Variants in CELF2 observed in about 807,000 individuals in gnomAD.
CELF2 encodes CUGBP Elav-like family member 2.
Under a neutral mutation model 62.6 loss-of-function variants are expected in CELF2, and 8 were observed. That is an observed-to-expected ratio of 0.13 (90% confidence interval 0.07 to 0.23). CELF2 has a LOEUF of 0.23. Ranked by LOEUF, CELF2 falls within the 10% of genes least tolerant of loss-of-function variation. The pLI is 1.00. For missense variants in CELF2, 333 were observed against 671.0 expected (o/e 0.50, Z 5.56); for synonymous variants, 258 against 250.0 (o/e 1.03, Z -0.30).
chr10:10,847,802 T>G (rs898033312), intron 1 of CELF2, among the ~76,000 whole-genome samples: 1 of 152,226 alleles, frequency 6.6e-6, no homozygotes, highest in Non-Finnish European at 1.5e-5. Flanking sequence ...TGGTTTTAGT[T>G]TTAAGCTCCC....
chr10:10,802,238 G>A (rs547750465), intron 1 of CELF2, among the ~76,000 whole-genome samples: 14 of 152,292 alleles, frequency 9.2e-5, no homozygotes, highest in East Asian at 3.9e-4. Context: ...TTGGGACACC[G>A]AGGCAGGCGG....
chr10:10,769,921 G>C, the CELF2 span, among the ~76,000 whole-genome samples: 3 of 152,296 alleles, frequency 2.0e-5, no homozygotes, highest in Admixed American at 2.0e-4. Flanking sequence ...AGGGAGACTA[G>C]ACTTAATTGC....
intron 1 of CELF2, among the ~76,000 whole-genome samples, chr10:10,867,700 A>G (rs145001051): frequency 8.5e-4 from 129 of 152,208 alleles, no homozygotes; most frequent in African/African-American, 2.9e-3. Flanking sequence ...TTCCTCATCT[A>G]TTCTTTAAAC....
intron 1 of CELF2, among the ~76,000 whole-genome samples, chr10:11,056,591 G>A (rs1435589398): frequency 2.6e-5 from 4 of 152,216 alleles, no homozygotes; most frequent in Non-Finnish European, 5.9e-5. Flanking sequence ...TATTTGAATC[G>A]TATAAGAAGG....
the CELF2 span, among the ~76,000 whole-genome samples, chr10:10,612,087 C>A: frequency 6.6e-6 from 1 of 152,152 alleles, no homozygotes; most frequent in Non-Finnish European, 1.5e-5. Context: ...TTCAAGTCTA[C>A]TTATTGAAGT....
rs537178187 is a variant in CELF2 at position 11,148,520 on chromosome 10, C to T, written c.75-16966C>T. ...GACATATATGAATTTTAATCACAGT[C>T]AAGGGCAGTTTGACACTCTCACTGT... On this transcript the variant is annotated intron_variant, in intron 1 of 12. Transcript: ENST00000633077. 2.6e-5 allele frequency among the ~76,000 whole-genome samples: 4 copies of T among 152,310 alleles called. No homozygotes were observed. The East Asian group carries it at 7.7e-4, about 29-fold the overall frequency.
the CELF2 span, among the ~76,000 whole-genome samples, chr10:10,754,537 A>G: frequency 6.6e-6 from 1 of 152,222 alleles, no homozygotes; most frequent in South Asian, 2.1e-4. Context: ...AAGCATGATC[A>G]GGAAGAAGTG....
intron 1 of CELF2, among the ~76,000 whole-genome samples, chr10:11,057,643 C>T (rs1259348459): frequency 6.6e-6 from 1 of 152,150 alleles, no homozygotes; most frequent in Non-Finnish European, 1.5e-5. Context: ...AGTATGTTTT[C>T]TCTTTTTTTC....
At chr10:10,687,181 T>C in the CELF2 span, among the ~76,000 whole-genome samples, 2 of 152,194 alleles carry the variant, frequency 1.3e-5, no homozygotes, top group African/African-American at 4.8e-5. Flanking sequence ...AAAGTGCTGA[T>C]ACAGTGGACC....
chr10:10,897,402 A>G (rs2062634273), intron 1 of CELF2, among the ~76,000 whole-genome samples: 1 of 152,234 alleles, frequency 6.6e-6, no homozygotes. Flanking sequence ...TTCCAAGAAA[A>G]ATGTAGAAAA....
At chr10:10,623,762 T>C in the CELF2 span, among the ~76,000 whole-genome samples, 1 of 152,204 alleles carries the variant, frequency 6.6e-6, no homozygotes, top group Non-Finnish European at 1.5e-5. Flanking sequence ...TAAGGTGCCA[T>C]TTACTGTTCT....
At position 11,328,119 on chromosome 10, in the gene CELF2, A is replaced by G. The variant is rs545108749; in HGVS notation, c.1439-807A>G. Reference sequence around the variant, plus strand: ...GCTGTTTATGGTGGAGGTCGTTGCTACAGAGTAAGAGATGGGGAATTCTCT... The same window carrying G: ...GCTGTTTATGGTGGAGGTCGTTGCTGCAGAGTAAGAGATGGGGAATTCTCT... On this transcript the variant is annotated intron_variant, in intron 12 of 12. Coordinates refer to ENST00000633077, the MANE Select transcript of CELF2 (RefSeq NM_001326342.2). The surrounding 1 kb of genome is among the most constrained non-coding windows in gnomAD (Gnocchi z 6.4). Among the ~76,000 whole-genome samples the G allele has an allele frequency of 2.9e-4, 44 of 152,300 alleles. No individual in the cohort carries two copies. Among genetic ancestry groups the G allele is most frequent in the Non-Finnish European group, 6.0e-4 (41 of 68,030 alleles).
the CELF2 span, among the ~76,000 whole-genome samples, chr10:10,787,477 G>C: frequency 7.8e-4 from 118 of 152,248 alleles, no homozygotes; most frequent in Middle Eastern, 3.4e-3. Context: ...TTTCTCTCCG[G>C]TTTCCCAATT....
the CELF2 span, among the ~76,000 whole-genome samples, chr10:10,713,531 G>C: frequency 2.6e-5 from 4 of 152,210 alleles, no homozygotes; most frequent in Non-Finnish European, 5.9e-5. Context: ...AGTTATCCAT[G>C]TTGAGAATTG....
the CELF2 span, among the ~76,000 whole-genome samples, chr10:10,642,610 C>T: frequency 6.6e-6 from 1 of 152,182 alleles, no homozygotes; most frequent in Admixed American, 6.5e-5. Context: ...TCCCTCCTTG[C>T]TTATCTCTGC....
chr10:11,333,508 T>G lies in CELF2; in HGVS notation c.*4455T>G, dbSNP rs747224212. 6.6e-6 allele frequency: 1 copy of G among 152,456 alleles called. No homozygotes were observed. The highest frequency in any genetic ancestry group is 2.4e-5 in the African/African-American group (1 of 41,440). 9.4% of individuals were successfully genotyped at this position (152,456 alleles called of 1,614,324 possible). On this transcript the variant is annotated 3_prime_UTR_variant, in exon 13 of 13. Coordinates refer to ENST00000633077, the MANE Select transcript of CELF2 (RefSeq NM_001326342.2). ...TGGCTTGTGCTACTCTGGAATCATT[T>G]TACTGTTTGTTTTTATTATCTTAAG...
At chr10:11,118,945 C>T (rs1242528845) in intron 1 of CELF2, among the ~76,000 whole-genome samples, 22 of 152,144 alleles carry the variant, frequency 1.4e-4, no homozygotes. Flanking sequence ...ATGGAGGAGC[C>T]CTGCTCCCCT....
chr10:11,232,297 T>C (rs1052605278), intron 3 of CELF2, among the ~76,000 whole-genome samples: 7 of 152,232 alleles, frequency 4.6e-5, no homozygotes, highest in African/African-American at 1.7e-4. Flanking sequence ...GCTGAATTAA[T>C]GTAGTCGGGG....
chr10:11,116,843 T>A (rs1482629906), intron 1 of CELF2, among the ~76,000 whole-genome samples: 2 of 152,216 alleles, frequency 1.3e-5, no homozygotes, highest in Non-Finnish European at 2.9e-5. Context: ...GTAGAATAAT[T>A]TATTCATTCG....
Sources: allele counts gnomAD v4.1 joint callset (sites outside exome capture counted in the v4.1 genomes callset), GRCh38; gene constraint gnomAD v4.1.1; non-coding constraint Gnocchi (gnomAD v3.1); transcripts MANE v1.5; gene names NCBI Gene and HGNC (gene_info 2026-07-23, HGNC 2026-07-21).